Variants in EHBP1 observed in about 807,000 individuals in gnomAD.
The protein encoded by EHBP1 is EH domain binding protein 1.
EHBP1 carries 55 observed loss-of-function variants against 144.0 expected under a neutral mutation model. The observed-to-expected ratio is 0.38, with a 90% CI of 0.31 to 0.48. The LOEUF (loss-of-function observed/expected upper bound fraction) is 0.48, where lower values mean the gene tolerates loss of function less well. Among genes scored for constraint, EHBP1 ranks in the 20% least tolerant of loss-of-function variants. The pLI is 0.98. For synonymous variants in EHBP1, 469 were observed against 472.7 expected, an observed-to-expected ratio of 0.99 and a Z score of 0.10; for missense variants, 1,200 against 1,364.2, an observed-to-expected ratio of 0.88 and a Z score of 1.90.
intron 12 of EHBP1, among the ~76,000 whole-genome samples, chr2:62,945,865 A>G (rs1306758578): frequency 6.6e-6 from 1 of 152,216 alleles, no homozygotes; most frequent in Non-Finnish European, 1.5e-5. Flanking sequence ...AAAAAAGATA[A>G]TCTTTAAAAA....
rs1476341998 is a variant in EHBP1, at chr2:62,827,839, G to A, written c.494+1571G>A. Among the ~76,000 whole-genome samples the A allele has an allele frequency of 4.0e-5, 6 of 151,872 alleles. No homozygotes were observed. In the South Asian group the frequency reaches 1.0e-3, roughly 26 times the overall value. On this transcript the variant is annotated intron_variant, in intron 6 of 22. Transcript: ENST00000431489. ...TGTACCACCACACCTGGCTAATTTTGTATATTTTTGGTAGAGACGGTGTTT... is the reference window on the plus strand; with the variant it reads ...TGTACCACCACACCTGGCTAATTTTATATATTTTTGGTAGAGACGGTGTTT...
At chr2:62,843,977 G>A (rs953091641) in intron 7 of EHBP1, among the ~76,000 whole-genome samples, 3 of 152,072 alleles carry the variant, frequency 2.0e-5, no homozygotes, top group Non-Finnish European at 4.4e-5. Flanking sequence ...AATTGTTCCT[G>A]TTAATTATAT....
chr2:62,860,023 A>C (rs970548758), intron 8 of EHBP1, among the ~76,000 whole-genome samples: 2 of 152,142 alleles, frequency 1.3e-5, no homozygotes, highest in African/African-American at 4.8e-5. Flanking sequence ...ATGAGGTTTT[A>C]GCTTCAGGAT....
rs761382729 is a variant in EHBP1, at chr2:63,020,980, ATTTTTTTTT to A, written c.3104-16537_3104-16529del. Among the ~76,000 whole-genome samples the A allele has an allele frequency of 7.3e-5, 5 of 68,580 alleles. No individual in the cohort carries two copies. The Middle Eastern group carries it at 0.03, about 411-fold the overall frequency. 45.0% of individuals were successfully genotyped at this position (68,580 alleles called of 152,430 possible). A position where few individuals can be genotyped will look rare whatever the true frequency, so the allele number is the denominator to read the frequency against. The stretch of plus-strand genomic sequence containing the variant: ...GGTATGAGCCACCGTGCCTGGCCTC[ATTTTTTTTT>A]TTTTTTTTTTTTTTTTTGAGACAAG... On this transcript the variant is annotated intron_variant, in intron 19 of 22. Coordinates refer to ENST00000431489, the MANE Select transcript of EHBP1 (RefSeq NM_001142616.3).
chr2:62,852,363 A>T (rs2048740068), intron 7 of EHBP1, among the ~76,000 whole-genome samples: 1 of 152,092 alleles, frequency 6.6e-6, no homozygotes, highest in Admixed American at 6.5e-5. Context: ...GAATTAGCTG[A>T]TTGTGGATGC....
intron 14 of EHBP1, 87 bp from the exon 15 acceptor site, chr2:62,979,101 A>G: frequency 7.2e-7 from 1 of 1,386,020 alleles, no homozygotes; most frequent in Admixed American, 2.0e-5. Context: ...ACCATGCTGT[A>G]AACCAGTTAC....
chr2:62,700,085 G>A (rs2034231908), intron 1 of EHBP1, among the ~76,000 whole-genome samples: 1 of 151,990 alleles, frequency 6.6e-6, no homozygotes. Flanking sequence ...AAAGAATACT[G>A]TTCCTAATTG....
chr2:62,847,007 G>A (rs181438490), intron 7 of EHBP1, among the ~76,000 whole-genome samples: 235 of 152,246 alleles, frequency 1.5e-3, no homozygotes, highest in Non-Finnish European at 2.3e-3. Context: ...ATTTGGGGAT[G>A]CAAAGTAACC....
At chr2:62,870,738 C>CATATATATAT (rs756481712) in intron 9 of EHBP1, among the ~76,000 whole-genome samples, 2 of 139,096 alleles carry the variant, frequency 1.4e-5, no homozygotes, top group African/African-American at 5.4e-5. Context: ...AAAAAAAATA[C>CATATATATAT]ATATATATAT....
chr2:62,975,230 A>T (rs753154811), intron 14 of EHBP1, among the ~76,000 whole-genome samples: 1 of 152,200 alleles, frequency 6.6e-6, no homozygotes, highest in East Asian at 1.9e-4. Context: ...AGAGGACAGA[A>T]TATAAGAATT....
intron 9 of EHBP1, among the ~76,000 whole-genome samples, chr2:62,866,568 A>G (rs1027984601): frequency 1.3e-5 from 2 of 152,220 alleles, no homozygotes; most frequent in African/African-American, 2.4e-5. Context: ...ATTTATAGAG[A>G]TGAGATTTTT....
At chr2:62,891,965 T>C (rs1049088290) in intron 10 of EHBP1, among the ~76,000 whole-genome samples, 2 of 152,172 alleles carry the variant, frequency 1.3e-5, no homozygotes, top group East Asian at 1.9e-4. Flanking sequence ...TGTAAACTTA[T>C]AAAGTATGTG....
At chr2:62,875,207 C>A (rs2050794717) in intron 10 of EHBP1, among the ~76,000 whole-genome samples, 1 of 152,214 alleles carries the variant, frequency 6.6e-6, no homozygotes, top group African/African-American at 2.4e-5. Context: ...CTGCTGCCAC[C>A]CCGATGAAAT....
At chr2:62,896,152 C>T (rs563072328) in intron 10 of EHBP1, among the ~76,000 whole-genome samples, 2 of 152,118 alleles carry the variant, frequency 1.3e-5, no homozygotes, top group South Asian at 2.1e-4. Context: ...GAACAGGGTA[C>T]TATAAATACA....
At chr2:63,040,231 C>T (rs979469759) in intron 21 of EHBP1, among the ~76,000 whole-genome samples, 1 of 151,154 alleles carries the variant, frequency 6.6e-6, no homozygotes, top group Non-Finnish European at 1.5e-5. Context: ...TTTATAGATT[C>T]ATTGTACACT....
intron 2 of EHBP1, among the ~76,000 whole-genome samples, chr2:62,719,462 CTG>C (rs1357684479): frequency 1.3e-5 from 2 of 152,126 alleles, no homozygotes; most frequent in Non-Finnish European, 1.5e-5. Context: ...GATTCACAAA[CTG>C]TGCCAAGGAG....
chr2:62,935,328 CAAAA>C (rs550896639), intron 10 of EHBP1, among the ~76,000 whole-genome samples: 25 of 106,472 alleles, frequency 2.3e-4, no homozygotes, highest in African/African-American at 6.1e-4. Flanking sequence ...GACTCCATCT[CAAAA>C]AAAAAAAAAA....
chr2:62,967,820 T>A (rs1477971012), intron 14 of EHBP1, among the ~76,000 whole-genome samples: 2 of 152,182 alleles, frequency 1.3e-5, no homozygotes, highest in Admixed American at 1.3e-4. Flanking sequence ...CTTCTTCCTA[T>A]GTTGCATATA....
chr2:62,969,989 C>G (rs550935475), intron 14 of EHBP1, among the ~76,000 whole-genome samples: 2 of 152,236 alleles, frequency 1.3e-5, no homozygotes, highest in Non-Finnish European at 1.5e-5. Context: ...TCTACCTAAA[C>G]CTTCTAAAAT....
Sources: gnomAD v4.1 joint callset for allele counts (sites outside exome capture counted in the v4.1 genomes callset) on GRCh38, gnomAD v4.1.1 for gene constraint, MANE v1.5 for transcripts, NCBI Gene and HGNC (gene_info 2026-07-23, HGNC 2026-07-21) for gene names.